Variants in CCDC38 observed in about 807,000 individuals in gnomAD.
The protein encoded by CCDC38 is coiled-coil domain-containing protein 38.
CCDC38 carries 69 observed loss-of-function variants against 72.8 expected under a neutral mutation model. The ratio of observed to expected loss-of-function variants is 0.95; its 90% CI spans 0.78 to 1.16. The LOEUF (loss-of-function observed/expected upper bound fraction) is 1.16. CCDC38 is among the 50% of genes most tolerant of loss of function. The pLI, the probability that CCDC38 is intolerant of heterozygous loss-of-function variation, is 0.00. For missense variants in CCDC38, 626 were observed against 638.9 expected (o/e 0.98, Z 0.22); for synonymous variants, 201 against 213.2 (o/e 0.94, Z 0.50).
chr12:95,902,789 T>G (rs978796416), intron 5 of CCDC38, among the ~76,000 whole-genome samples: 2 of 152,206 alleles, frequency 1.3e-5, no homozygotes, highest in East Asian at 3.8e-4. Flanking sequence ...ATTGAAACTA[T>G]GAAACTGCAG....
chr12:95,940,731 G>C (rs566424889), intron 1 of CCDC38, among the ~76,000 whole-genome samples: 1 of 152,160 alleles, frequency 6.6e-6, no homozygotes, highest in Non-Finnish European at 1.5e-5. Context: ...TTAGATGCAC[G>C]CTGCCGCTTC....
At chr12:95,891,369 A>G (rs573345673) in intron 8 of CCDC38, among the ~76,000 whole-genome samples, 2 of 152,212 alleles carry the variant, frequency 1.3e-5, no homozygotes, top group South Asian at 2.1e-4. Flanking sequence ...TTTTGGGGAC[A>G]GGGTCTTGTT....
intron 11 of CCDC38, among the ~76,000 whole-genome samples, chr12:95,880,520 G>C (rs1405075882): frequency 6.6e-6 from 1 of 152,170 alleles, no homozygotes; most frequent in African/African-American, 2.4e-5. Context: ...CAGTCATGGT[G>C]GTCGGTGCCT....
At chr12:95,901,032 C>A (rs1036535748) in intron 5 of CCDC38, among the ~76,000 whole-genome samples, 1 of 152,134 alleles carries the variant, frequency 6.6e-6, no homozygotes, top group Non-Finnish European at 1.5e-5. Context: ...GGAGAACAGA[C>A]AGACTGCAGG....
intron 2 of CCDC38, 127 bp downstream of exon 2, chr12:95,936,346 G>A: frequency 1.3e-6 from 1 of 773,144 alleles, no homozygotes; most frequent in Middle Eastern, 3.2e-4. Context: ...TTCTCTGCAG[G>A]TAGTTTATAA....
intron 2 of CCDC38, among the ~76,000 whole-genome samples, chr12:95,931,467 G>A (rs867850595): frequency 1.3e-5 from 2 of 152,146 alleles, no homozygotes; most frequent in Non-Finnish European, 2.9e-5. Context: ...ACACATTTGG[G>A]GGGCCATTAT....
At chr12:95,876,780 A>G (rs1301317643) in intron 13 of CCDC38, among the ~76,000 whole-genome samples, 1 of 152,098 alleles carries the variant, frequency 6.6e-6, no homozygotes, top group Non-Finnish European at 1.5e-5. Flanking sequence ...TCTTCTTCTG[A>G]TGCAGTTCTC....
At position 95,936,517 on chromosome 12, in the gene CCDC38, C is replaced by T. The variant is rs769918423; in HGVS notation, c.-8G>A. The T allele has an allele frequency of 1.9e-6, 3 of 1,606,080 alleles. No homozygotes were observed. In the East Asian group the frequency reaches 6.7e-5, roughly 36 times the overall value. ...CAATAAATTTGAGGACATTTTCTTGCCTGGCCCTGTTGAAAGAAAAAAAAA... is the reference window on the plus strand; with the variant it reads ...CAATAAATTTGAGGACATTTTCTTGTCTGGCCCTGTTGAAAGAAAAAAAAA... On this transcript the variant is annotated 5_prime_UTR_variant, in exon 2 of 16. Transcript: ENST00000344280.
At chr12:95,925,018 T>G (rs1164302950) in intron 2 of CCDC38, among the ~76,000 whole-genome samples, 1 of 147,868 alleles carries the variant, frequency 6.8e-6, no homozygotes, top group Non-Finnish European at 1.5e-5. Flanking sequence ...GACTTGGCGA[T>G]GCAGGCTCTT....
intron 4 of CCDC38, among the ~76,000 whole-genome samples, chr12:95,909,493 T>A (rs1021366803): frequency 6.6e-6 from 1 of 152,140 alleles, no homozygotes; most frequent in Non-Finnish European, 1.5e-5. Context: ...CTAGTACCAA[T>A]CCTACTGAAG....
At chr12:95,872,587 T>A (rs1380569792) in intron 13 of CCDC38, 127 bp from the exon 14 acceptor site, 4 of 688,924 alleles carry the variant, frequency 5.8e-6, no homozygotes, top group Admixed American at 3.0e-5. Flanking sequence ...TTTTATTATT[T>A]TTTTTGAGAC....
chr12:95,934,310 G>A (rs985262649), intron 2 of CCDC38: 3 of 152,114 alleles, frequency 2.0e-5, no homozygotes, highest in Admixed American at 2.0e-4. Context: ...CCTCGTCTTT[G>A]GGTTCTGATG....
chr12:95,904,764 C>T (rs544453693), intron 5 of CCDC38, among the ~76,000 whole-genome samples: 23 of 152,306 alleles, frequency 1.5e-4, no homozygotes, highest in African/African-American at 5.3e-4. Flanking sequence ...CAAAGCCCCA[C>T]CTCTAAGTCC....
chr12:95,916,417 C>CTTCCTTCCTTCCTTCCTTCCTTCCT (rs1264254817), intron 4 of CCDC38, among the ~76,000 whole-genome samples: 5 of 145,342 alleles, frequency 3.4e-5, no homozygotes, highest in African/African-American at 1.3e-4. Context: ...TCCTTCCTTC[C>CTTCCTTCCTTCCTTCCTTCCTTCCT]TTTTTTCCCT....
intron 2 of CCDC38, chr12:95,919,475 A>C (rs1361317918): frequency 2.2e-6 from 1 of 453,640 alleles, no homozygotes; most frequent in South Asian, 1.6e-5. Flanking sequence ...ACAAGGACTC[A>C]AATATAGAAG....
At chr12:95,921,797 A>G (rs576405527) in intron 2 of CCDC38, among the ~76,000 whole-genome samples, 12 of 152,018 alleles carry the variant, frequency 7.9e-5, no homozygotes, top group African/African-American at 2.9e-4. Context: ...CCCAACTCTT[A>G]CCCCACATCC....
intron 12 of CCDC38, among the ~76,000 whole-genome samples, chr12:95,878,747 T>G (rs1055537971): frequency 6.6e-6 from 1 of 152,158 alleles, no homozygotes; most frequent in African/African-American, 2.4e-5. Context: ...CCTCTAGAGA[T>G]AGATTCTATA....
chr12:95,889,033 CTTTT>C (rs63374760), intron 9 of CCDC38: 19 of 85,032 alleles, frequency 2.2e-4, no homozygotes, highest in South Asian at 9.9e-4. Context: ...ATTGTCTCAG[CTTTT>C]TTTTTTTTTT....
At chr12:95,935,545 T>A (rs970746747) in intron 2 of CCDC38, 9 of 329,184 alleles carry the variant, frequency 2.7e-5, no homozygotes, top group African/African-American at 2.0e-4. Context: ...AGAACAAACG[T>A]CTATCATGTT....
Sources: allele counts gnomAD v4.1 joint callset (sites outside exome capture counted in the v4.1 genomes callset), GRCh38; gene constraint gnomAD v4.1.1; transcripts MANE v1.5; gene names NCBI Gene and HGNC (gene_info 2026-07-23, HGNC 2026-07-21).